CTNNA3: variants seen among roughly 807,000 people sequenced by gnomAD.
CTNNA3 encodes catenin alpha-3.
In CTNNA3, 76 loss-of-function variants were observed where a neutral mutation model predicts 95.7. The observed-to-expected ratio is 0.79, with a 90% CI of 0.66 to 0.96. The LOEUF (loss-of-function observed/expected upper bound fraction) is 0.96, where lower values mean the gene tolerates loss of function less well. Among genes scored for constraint, CTNNA3 ranks in the 40% least tolerant of loss-of-function variants. The pLI is 0.00. For missense variants in CTNNA3, 1,191 were observed against 1,089.8 expected, an observed-to-expected ratio of 1.09 and a Z score of -1.31; for synonymous variants, 431 against 374.4, an observed-to-expected ratio of 1.15 and a Z score of -1.74.
At chr10:66,706,388 C>A (rs1436813668) in intron 9 of CTNNA3, among the ~76,000 whole-genome samples, 1 of 151,194 alleles carries the variant, frequency 6.6e-6, no homozygotes, top group Non-Finnish European at 1.5e-5. Context: ...CCATATGGCC[C>A]CACTACTCTT....
intron 1 of CTNNA3, among the ~76,000 whole-genome samples, chr10:67,655,518 G>C (rs969576863): frequency 2.0e-5 from 3 of 152,190 alleles, no homozygotes; most frequent in African/African-American, 7.2e-5. Flanking sequence ...GCGTGCGGTG[G>C]CTCATGCCTG....
intron 7 of CTNNA3, among the ~76,000 whole-genome samples, chr10:67,147,802 G>A (rs1207526149): frequency 6.6e-6 from 1 of 152,124 alleles, no homozygotes; most frequent in Admixed American, 6.6e-5. Context: ...TGAAAAAAAT[G>A]TGTAAACATT....
Position 67,234,582 on chromosome 10 carries a change from A to T in CTNNA3, c.580-14712T>A, listed in dbSNP as rs911863083. Among the ~76,000 whole-genome samples the T allele has an allele frequency of 1.3e-3, 205 of 152,138 alleles. 2 individuals carry two copies. The highest frequency in any genetic ancestry group is 4.8e-3 in the African/African-American group (199 of 41,504). On this transcript the variant is annotated intron_variant, in intron 5 of 17. Coordinates refer to ENST00000433211, the MANE Select transcript of CTNNA3 (RefSeq NM_013266.4). ...TACTGAATGGGCAAAAACTGGAAGC[A>T]TTCCCTTTGAAAACTGGCACAAGAC... is the stretch of plus-strand genomic sequence containing the variant.
chr10:66,482,372 A>C (rs1839567761), intron 11 of CTNNA3, among the ~76,000 whole-genome samples: 1 of 152,164 alleles, frequency 6.6e-6, no homozygotes. Flanking sequence ...TACTGAGTGT[A>C]GGGCATTTTA....
intron 11 of CTNNA3, among the ~76,000 whole-genome samples, chr10:66,458,404 T>G (rs1218521414): frequency 6.6e-6 from 1 of 152,238 alleles, no homozygotes; most frequent in Non-Finnish European, 1.5e-5. Flanking sequence ...TTATATTTTC[T>G]TTTGACTATT....
intron 9 of CTNNA3, among the ~76,000 whole-genome samples, chr10:66,689,204 A>G (rs1233310915): frequency 2.0e-5 from 3 of 152,162 alleles, no homozygotes; most frequent in Non-Finnish European, 4.4e-5. Context: ...AATGAAGGTT[A>G]GAGCTGCTTC....
At chr10:66,090,050 T>C (rs946172276) in intron 14 of CTNNA3, among the ~76,000 whole-genome samples, 3 of 152,010 alleles carry the variant, frequency 2.0e-5, no homozygotes, top group African/African-American at 7.2e-5. Flanking sequence ...GACTACATAA[T>C]TGCAAGCAAA....
At chr10:67,345,135 T>C (rs540649746) in intron 5 of CTNNA3, among the ~76,000 whole-genome samples, 1 of 152,162 alleles carries the variant, frequency 6.6e-6, no homozygotes, top group African/African-American at 2.4e-5. Flanking sequence ...TTTAATTTCC[T>C]TTTATTTGTA....
chr10:67,499,889 G>A (rs1488404792), intron 5 of CTNNA3, among the ~76,000 whole-genome samples: 1 of 152,024 alleles, frequency 6.6e-6, no homozygotes, highest in Non-Finnish European at 1.5e-5. Context: ...CCAACTCCTG[G>A]ATTCATTGAT....
chr10:66,155,777 A>C (rs2084467107), intron 13 of CTNNA3, among the ~76,000 whole-genome samples: 1 of 151,976 alleles, frequency 6.6e-6, no homozygotes, highest in South Asian at 2.1e-4. Context: ...GAACAATTCC[A>C]TATTCTTAGG....
intron 10 of CTNNA3, among the ~76,000 whole-genome samples, chr10:66,555,930 G>A (rs1369048067): frequency 6.6e-6 from 1 of 151,942 alleles, no homozygotes; most frequent in Non-Finnish European, 1.5e-5. Context: ...AAATGAAAAT[G>A]CAACCTATGA....
chr10:67,226,751 A>G (rs1289382441), intron 5 of CTNNA3, among the ~76,000 whole-genome samples: 1 of 152,222 alleles, frequency 6.6e-6, no homozygotes, highest in Non-Finnish European at 1.5e-5. Context: ...CAAATCCTAG[A>G]AACACATCAA....
At chr10:67,702,619 T>A (rs1487110913) in intron 1 of CTNNA3, among the ~76,000 whole-genome samples, 1 of 152,174 alleles carries the variant, frequency 6.6e-6, no homozygotes, top group African/African-American at 2.4e-5. Flanking sequence ...TGGGACACAT[T>A]CAAAGCAGTG....
intron 13 of CTNNA3, among the ~76,000 whole-genome samples, chr10:66,185,764 A>G (rs916531373): frequency 1.3e-5 from 2 of 152,042 alleles, no homozygotes; most frequent in Non-Finnish European, 2.9e-5. Flanking sequence ...AAAAGTAAAA[A>G]TTATATATGG....
At chr10:66,518,269 C>A (rs1840933003) in intron 11 of CTNNA3, among the ~76,000 whole-genome samples, 1 of 152,086 alleles carries the variant, frequency 6.6e-6, no homozygotes, top group Admixed American at 6.6e-5. Flanking sequence ...TACAATATCC[C>A]TGGATCCCAG....
At chr10:66,566,547 T>C (rs1297562688) in intron 10 of CTNNA3, among the ~76,000 whole-genome samples, 2 of 151,884 alleles carry the variant, frequency 1.3e-5, no homozygotes, top group Non-Finnish European at 2.9e-5. Context: ...GTGGGCGTAT[T>C]TATTTTTGAG....
chr10:66,202,694 G>T (rs2087507510), intron 13 of CTNNA3, among the ~76,000 whole-genome samples: 1 of 151,864 alleles, frequency 6.6e-6, no homozygotes, highest in African/African-American at 2.4e-5. Flanking sequence ...AATCTTATTT[G>T]ACTATTTTGT....
upstream of CTNNA3, among the ~76,000 whole-genome samples, chr10:67,698,057 T>G (rs1198762833): frequency 6.6e-6 from 1 of 152,152 alleles, no homozygotes; most frequent in Non-Finnish European, 1.5e-5. Context: ...GCCCCTGCAT[T>G]TTGCATCCTG....
intron 3 of CTNNA3, among the ~76,000 whole-genome samples, chr10:67,577,469 T>G (rs2133306191): frequency 6.6e-6 from 1 of 152,254 alleles, no homozygotes; most frequent in Admixed American, 6.5e-5. Flanking sequence ...TCTCCCATTT[T>G]GTAGGTTGCC....
Sources: gnomAD v4.1 joint callset for allele counts (sites outside exome capture counted in the v4.1 genomes callset) on GRCh38, gnomAD v4.1.1 for gene constraint, MANE v1.5 for transcripts, NCBI Gene and HGNC (gene_info 2026-07-23, HGNC 2026-07-21) for gene names.